Variants in DRAM1 observed in about 807,000 individuals in gnomAD.
The protein encoded by DRAM1 is DNA damage regulated autophagy modulator 1, also known as DNA damage-regulated autophagy modulator protein 1.
A neutral mutation model predicts 28.5 loss-of-function variants in DRAM1; 25 were observed. The ratio of observed to expected loss-of-function variants is 0.88; its 90% CI spans 0.64 to 1.23. The LOEUF (loss-of-function observed/expected upper bound fraction) is 1.23, where lower values mean the gene tolerates loss of function less well. Ranked by LOEUF, DRAM1 falls within the 50% of genes most tolerant of loss-of-function variation. DRAM1 has a pLI of 0.00. For synonymous variants in DRAM1, 113 were observed against 114.2 expected (o/e 0.99, Z 0.07); for missense variants, 249 against 299.2 (o/e 0.83, Z 1.24).
intron 5 of DRAM1, among the ~76,000 whole-genome samples, chr12:101,918,967 G>A (rs767526822): frequency 2.0e-5 from 3 of 151,846 alleles, no homozygotes; most frequent in Non-Finnish European, 4.4e-5. Context: ...TGTCACCCAG[G>A]TTGGAGTAGA....
chr12:101,910,540 C>T (rs1269423902), intron 4 of DRAM1, among the ~76,000 whole-genome samples: 4 of 149,706 alleles, frequency 2.7e-5, no homozygotes, highest in South Asian at 2.1e-4. Flanking sequence ...TGCAATGGTG[C>T]GATCTCCGCT....
At chr12:101,913,204 T>C (rs567312903) in intron 4 of DRAM1, among the ~76,000 whole-genome samples, 4 of 152,172 alleles carry the variant, frequency 2.6e-5, no homozygotes, top group African/African-American at 9.7e-5. Context: ...ACTGTAGGCA[T>C]GTGTCAGTCA....
chr12:101,889,719 C>T (rs1272476009), intron 1 of DRAM1, among the ~76,000 whole-genome samples: 3 of 152,088 alleles, frequency 2.0e-5, no homozygotes, highest in Admixed American at 1.3e-4. Context: ...GCAGGTGGAT[C>T]ACTTGAGGTC....
chr12:101,890,647 T>A (rs945943109), intron 1 of DRAM1, among the ~76,000 whole-genome samples: 1 of 152,070 alleles, frequency 6.6e-6, no homozygotes, highest in African/African-American at 2.4e-5. Context: ...CAAAATTGCT[T>A]GTGGGTAGTG....
intron 1 of DRAM1, among the ~76,000 whole-genome samples, chr12:101,889,133 C>T (rs903222478): frequency 1.2e-4 from 18 of 152,220 alleles, no homozygotes; most frequent in East Asian, 3.9e-4. Flanking sequence ...GTTTCATAGT[C>T]CTCTTTACGT....
At chr12:101,915,874 C>T (rs560217296) in intron 5 of DRAM1, among the ~76,000 whole-genome samples, 33 of 152,070 alleles carry the variant, frequency 2.2e-4, no homozygotes, top group East Asian at 3.9e-4. Context: ...GACTTTCGAA[C>T]GGTAAAGCAA....
chr12:101,897,835 T>G, intron 1 of DRAM1, 28 bp from the exon 2 acceptor site: 1 of 1,557,262 alleles, frequency 6.4e-7, no homozygotes, highest in Non-Finnish European at 8.8e-7. Flanking sequence ...TTCTTTCTAA[T>G]AATTTGGACA....
intron 4 of DRAM1, among the ~76,000 whole-genome samples, chr12:101,912,921 T>C (rs1201827493): frequency 6.6e-6 from 1 of 152,056 alleles, no homozygotes; most frequent in Non-Finnish European, 1.5e-5. Flanking sequence ...AGAGACTGGG[T>C]TTCACCATGT....
At chr12:101,914,340 A>C in intron 5 of DRAM1, 108 bp downstream of exon 5, 1 of 659,988 alleles carries the variant, frequency 1.5e-6, no homozygotes, top group South Asian at 2.9e-5. Flanking sequence ...AAGTTGCAAA[A>C]TGTCAAATAA....
intron 2 of DRAM1, among the ~76,000 whole-genome samples, chr12:101,900,107 CAA>C (rs1462551667): frequency 6.6e-6 from 1 of 152,170 alleles, no homozygotes; most frequent in African/African-American, 2.4e-5. Context: ...ACAAAACAGA[CAA>C]GAGCCCTGCT....
chr12:101,900,323 G>A (rs957714211), intron 2 of DRAM1, among the ~76,000 whole-genome samples: 1 of 152,144 alleles, frequency 6.6e-6, no homozygotes, highest in South Asian at 2.1e-4. Flanking sequence ...AACACAAAAC[G>A]CAGAAGAATT....
intron 3 of DRAM1, among the ~76,000 whole-genome samples, chr12:101,904,354 TTCCAAGGTTTAAC>T (rs1390030488): frequency 1.3e-5 from 2 of 149,770 alleles, no homozygotes; most frequent in Non-Finnish European, 3.0e-5. Context: ...AAAAGAAACT[TTCCAAGGTTTAAC>T]TCTGTCAGTA....
chr12:101,905,034 G>GA (rs1430516661), intron 3 of DRAM1, among the ~76,000 whole-genome samples: 1 of 152,018 alleles, frequency 6.6e-6, no homozygotes, highest in African/African-American at 2.4e-5. Flanking sequence ...GAGTAGCTGA[G>GA]ACTATGGGTG....
chr12:101,917,916 C>G (rs1167477258), intron 5 of DRAM1, among the ~76,000 whole-genome samples: 2 of 152,280 alleles, frequency 1.3e-5, no homozygotes, highest in South Asian at 2.1e-4. Flanking sequence ...TTTTCAGCCA[C>G]TCGGGGGAGA....
intron 3 of DRAM1, among the ~76,000 whole-genome samples, chr12:101,907,977 G>A (rs895903808): frequency 6.6e-6 from 1 of 152,056 alleles, no homozygotes; most frequent in Non-Finnish European, 1.5e-5. Flanking sequence ...CTTGTCCCAT[G>A]AGCCCAGGTT....
intron 5 of DRAM1, among the ~76,000 whole-genome samples, chr12:101,919,303 C>T (rs1039108198): frequency 8.1e-6 from 1 of 123,840 alleles, no homozygotes; most frequent in East Asian, 2.1e-4. Flanking sequence ...CACACACACA[C>T]ACGGTTTTGT....
intron 1 of DRAM1, among the ~76,000 whole-genome samples, chr12:101,896,001 C>T (rs1257874834): frequency 6.6e-6 from 1 of 152,170 alleles, no homozygotes; most frequent in African/African-American, 2.4e-5. Flanking sequence ...ATTCTCCTGC[C>T]TCAGCCTCCT....
chr12:101,887,086 T>G (rs964783301), intron 1 of DRAM1, among the ~76,000 whole-genome samples: 16 of 148,018 alleles, frequency 1.1e-4, no homozygotes, highest in African/African-American at 4.0e-4. Flanking sequence ...CAGATGTTGC[T>G]GTGAGCTGAG....
At chr12:101,896,927 A>T (rs188810750) in intron 1 of DRAM1, among the ~76,000 whole-genome samples, 7 of 151,856 alleles carry the variant, frequency 4.6e-5, no homozygotes, top group African/African-American at 1.2e-4. Context: ...AGCTGGGGTT[A>T]CAGGCATGTG....
Sources: allele counts gnomAD v4.1 joint callset (sites outside exome capture counted in the v4.1 genomes callset), GRCh38; gene constraint gnomAD v4.1.1; transcripts MANE v1.5; gene names NCBI Gene and HGNC (gene_info 2026-07-23, HGNC 2026-07-21).